BICC1: variants seen among roughly 807,000 people sequenced by gnomAD.
The protein encoded by BICC1 is protein bicaudal C homolog 1.
A neutral mutation model predicts 111.0 loss-of-function variants in BICC1; 43 were observed. The observed-to-expected ratio is 0.39, with a 90% CI of 0.30 to 0.50. The LOEUF is 0.50. Ranked by LOEUF, BICC1 falls within the 20% of genes least tolerant of loss-of-function variation. The pLI, the probability that BICC1 is intolerant of heterozygous loss-of-function variation, is 0.88. For synonymous variants in BICC1, 467 were observed against 434.4 expected (o/e 1.07, Z -0.93); for missense variants, 1,091 against 1,203.2 (o/e 0.91, Z 1.38).
intron 3 of BICC1, among the ~76,000 whole-genome samples, chr10:58,702,572 GTCT>G (rs1840271147): frequency 6.6e-6 from 1 of 151,294 alleles, no homozygotes; most frequent in African/African-American, 2.4e-5. Flanking sequence ...AGTGCTGCTT[GTCT>G]TCATCTATCA....
intron 1 of BICC1, among the ~76,000 whole-genome samples, chr10:58,586,607 T>A: frequency 1.1e-5 from 1 of 93,396 alleles, no homozygotes; most frequent in Non-Finnish European, 2.1e-5. Context: ...AGAGAGAGAC[T>A]CACTCTCTCT....
At chr10:58,773,979 A>G (rs952429011) in intron 3 of BICC1, among the ~76,000 whole-genome samples, 16 of 152,146 alleles carry the variant, frequency 1.1e-4, no homozygotes, top group African/African-American at 3.9e-4. Context: ...TTTTCCATTT[A>G]TTCCAGAAAC....
chr10:58,700,666 A>G (rs1840205851), intron 2 of BICC1, among the ~76,000 whole-genome samples: 1 of 152,154 alleles, frequency 6.6e-6, no homozygotes, highest in Non-Finnish European at 1.5e-5. Flanking sequence ...AGCAAACACC[A>G]TGATAAATGG....
At chr10:58,788,995 G>A (rs543266119) in intron 6 of BICC1, among the ~76,000 whole-genome samples, 1 of 152,218 alleles carries the variant, frequency 6.6e-6, no homozygotes, top group African/African-American at 2.4e-5. Context: ...AGGAAGCCAA[G>A]GTGAGAGGAT....
chr10:58,598,013 C>T (rs534187895), intron 1 of BICC1, among the ~76,000 whole-genome samples: 1 of 152,172 alleles, frequency 6.6e-6, no homozygotes, highest in East Asian at 1.9e-4. Flanking sequence ...ATGAAGATAA[C>T]AGGATTAAGA....
chr10:58,764,962 G>A (rs1203072551), intron 3 of BICC1, among the ~76,000 whole-genome samples: 1 of 152,080 alleles, frequency 6.6e-6, no homozygotes, highest in Non-Finnish European at 1.5e-5. Context: ...TTAAAAGAAA[G>A]TTTTCTTTTC....
At chr10:58,654,945 T>TGGC in intron 2 of BICC1, among the ~76,000 whole-genome samples, 1 of 144,752 alleles carries the variant, frequency 6.9e-6, no homozygotes, top group African/African-American at 2.5e-5. Flanking sequence ...AGGGAATCCT[T>TGGC]TCCCCATTGC....
intron 1 of BICC1, among the ~76,000 whole-genome samples, chr10:58,519,399 AAAG>A (rs959265313): frequency 6.6e-6 from 1 of 152,162 alleles, no homozygotes; most frequent in Non-Finnish European, 1.5e-5. Flanking sequence ...GGAAGTAGGC[AAAG>A]AAGAAGGGGG....
chr10:58,798,339 C>A, intron 10 of BICC1, 60 bp from the exon 11 acceptor site: 1 of 1,281,978 alleles, frequency 7.8e-7, no homozygotes, highest in South Asian at 1.7e-5. Context: ...ATATTGGTGC[C>A]ATCTCTATTT....
chr10:58,620,444 G>A (rs1258374787), intron 1 of BICC1, among the ~76,000 whole-genome samples: 1 of 152,142 alleles, frequency 6.6e-6, no homozygotes, highest in Non-Finnish European at 1.5e-5. Flanking sequence ...GCATAAAATG[G>A]AAACAGCTCA....
intron 3 of BICC1, among the ~76,000 whole-genome samples, chr10:58,753,497 T>A (rs1842048226): frequency 6.6e-6 from 1 of 152,150 alleles, no homozygotes; most frequent in Non-Finnish European, 1.5e-5. Context: ...AGACCTTTGA[T>A]CCATCTGGAA....
At chr10:58,610,705 G>T (rs1285660105) in intron 1 of BICC1, among the ~76,000 whole-genome samples, 2 of 151,426 alleles carry the variant, frequency 1.3e-5, no homozygotes, top group African/African-American at 2.4e-5. Flanking sequence ...ACCTTTCATT[G>T]AAAGTGGGTT....
At chr10:58,726,491 A>G (rs1841109982) in intron 3 of BICC1, among the ~76,000 whole-genome samples, 1 of 152,172 alleles carries the variant, frequency 6.6e-6, no homozygotes, top group African/African-American at 2.4e-5. Flanking sequence ...TGGGCAACCC[A>G]TCATCTTCAC....
chr10:58,579,460 C>T (rs1480712344), intron 1 of BICC1, among the ~76,000 whole-genome samples: 1 of 152,182 alleles, frequency 6.6e-6, no homozygotes, highest in Non-Finnish European at 1.5e-5. Flanking sequence ...ATGGTGAACA[C>T]CACAGCGTTA....
intron 1 of BICC1, among the ~76,000 whole-genome samples, chr10:58,604,440 C>T (rs764506836): frequency 6.6e-5 from 10 of 152,094 alleles, no homozygotes; most frequent in South Asian, 2.1e-4. Context: ...GAGGCCGAGG[C>T]GAGTGGATCA....
At chr10:58,719,275 T>C (rs1373051093) in intron 3 of BICC1, among the ~76,000 whole-genome samples, 2 of 152,194 alleles carry the variant, frequency 1.3e-5, no homozygotes, top group Admixed American at 1.3e-4. Flanking sequence ...TCCAGCAACA[T>C]TGATTTATAT....
chr10:58,718,841 T>G (rs1297790708), intron 3 of BICC1, among the ~76,000 whole-genome samples: 2 of 152,052 alleles, frequency 1.3e-5, no homozygotes, highest in African/African-American at 4.8e-5. Flanking sequence ...TGCCCTGATA[T>G]GAGAATTACT....
At chr10:58,815,341 A>T (rs958445999) in intron 18 of BICC1, among the ~76,000 whole-genome samples, 1 of 152,210 alleles carries the variant, frequency 6.6e-6, no homozygotes, top group Non-Finnish European at 1.5e-5. Context: ...CACTGTCAAT[A>T]GTAGCCTGGA....
chr10:58,623,378 C>T (rs1845886151), intron 2 of BICC1, among the ~76,000 whole-genome samples: 1 of 152,128 alleles, frequency 6.6e-6, no homozygotes, highest in African/African-American at 2.4e-5. Flanking sequence ...GCTTATTATA[C>T]ACTTCTTCCA....
Sources: gnomAD v4.1 joint callset for allele counts (sites outside exome capture counted in the v4.1 genomes callset) on GRCh38, gnomAD v4.1.1 for gene constraint, MANE v1.5 for transcripts, NCBI Gene and HGNC (gene_info 2026-07-23, HGNC 2026-07-21) for gene names.